PAPSS1: variants seen among roughly 807,000 people sequenced by gnomAD.
PAPSS1 encodes the protein 3'-phosphoadenosine 5'-phosphosulfate synthase 1.
Under a neutral mutation model 72.0 loss-of-function variants are expected in PAPSS1, and 50 were observed. The ratio of observed to expected loss-of-function variants is 0.69; its 90% CI spans 0.55 to 0.88. PAPSS1 has a LOEUF of 0.88. Among genes scored for constraint, PAPSS1 ranks in the 40% least tolerant of loss-of-function variants. PAPSS1 has a pLI of 0.00. For missense variants in PAPSS1, 657 were observed against 782.2 expected, an observed-to-expected ratio of 0.84 and a Z score of 1.91; for synonymous variants, 261 against 263.6, an observed-to-expected ratio of 0.99 and a Z score of 0.09.
Position 107,687,160 on chromosome 4 carries a change from C to A in PAPSS1, c.429G>T (p.Arg143Ser). 6.3e-7 allele frequency: 1 copy of A among 1,582,738 alleles called. No individual in the cohort carries two copies. Among genetic ancestry groups the A allele is most frequent in the Non-Finnish European group, 8.5e-7 (1 of 1,170,176 alleles). ...GTAAACTTGCACCTTCATGAATTTG[C>A]CTTGCATTGTTGCGATCCTTAAAAA... ...SPYTQDRNNARQIHEGASLPF... is the reference protein window; with the variant it reads ...SPYTQDRNNASQIHEGASLPF... The change falls in exon 4 of 12, where the codon AGG (arginine) becomes AGT (serine). Residue 143 changes from arginine (R) to serine (S), a missense_variant. Coordinates refer to ENST00000265174, the MANE Select transcript of PAPSS1 (RefSeq NM_005443.5).
At chr4:107,674,374 G>A (rs1325244523) in intron 5 of PAPSS1, among the ~76,000 whole-genome samples, 1 of 152,132 alleles carries the variant, frequency 6.6e-6, no homozygotes, top group Non-Finnish European at 1.5e-5. Context: ...AAAGGCAGGG[G>A]TTGCAATCCT....
chr4:107,652,114 G>A (rs1005711524), intron 9 of PAPSS1, among the ~76,000 whole-genome samples: 1 of 152,136 alleles, frequency 6.6e-6, no homozygotes, highest in African/African-American at 2.4e-5. Flanking sequence ...ACATGGTTTG[G>A]TGGCCAGCTA....
intron 2 of PAPSS1, chr4:107,694,319 G>A (rs1050807132): frequency 3.5e-6 from 1 of 289,234 alleles, no homozygotes; most frequent in Non-Finnish European, 6.6e-6. Flanking sequence ...GCAATCACAG[G>A]ATTAAATACA....
chr4:107,626,077 C>CT (rs1195245922), intron 11 of PAPSS1, among the ~76,000 whole-genome samples: 1 of 151,046 alleles, frequency 6.6e-6, no homozygotes, highest in African/African-American at 2.4e-5. Flanking sequence ...ACTCGAGAGG[C>CT]TGAGGCAGGA....
intron 10 of PAPSS1, among the ~76,000 whole-genome samples, chr4:107,638,514 C>G (rs1264460647): frequency 6.6e-6 from 1 of 152,142 alleles, no homozygotes; most frequent in Non-Finnish European, 1.5e-5. Flanking sequence ...TGGCTGACCC[C>G]AGACCCCTAG....
intron 9 of PAPSS1, among the ~76,000 whole-genome samples, chr4:107,652,205 G>C (rs1279137926): frequency 6.6e-6 from 1 of 152,170 alleles, no homozygotes; most frequent in African/African-American, 2.4e-5. Context: ...ATATAAAAGA[G>C]AGCAGCACCA....
chr4:107,677,356 C>T (rs950723344), intron 5 of PAPSS1, among the ~76,000 whole-genome samples: 1 of 152,084 alleles, frequency 6.6e-6, no homozygotes, highest in African/African-American at 2.4e-5. Context: ...ACAAACAACC[C>T]CATCAAAAAG....
chr4:107,704,515 T>C (rs1016381625), intron 1 of PAPSS1, among the ~76,000 whole-genome samples: 2 of 152,242 alleles, frequency 1.3e-5, no homozygotes, highest in African/African-American at 2.4e-5. Flanking sequence ...TACGTTGAAG[T>C]ACATTCCTTC....
At chr4:107,635,007 C>T (rs1391732993) in intron 10 of PAPSS1, among the ~76,000 whole-genome samples, 2 of 151,898 alleles carry the variant, frequency 1.3e-5, no homozygotes, top group Non-Finnish European at 2.9e-5. Context: ...ACCGTGTTAG[C>T]CAGGATGGTC....
Position 107,634,797 on chromosome 4 carries a change from ATTT to A in PAPSS1, c.1507-2940_1507-2938del, listed in dbSNP as rs3083966. 4.3e-5 allele frequency among the ~76,000 whole-genome samples: 5 copies of A among 115,986 alleles called. No homozygotes were observed. In the East Asian group the frequency reaches 6.5e-4, roughly 15 times the overall value. The allele number at this position is 115,986 out of a possible 152,430, so 76.1% of individuals were successfully genotyped here. On this transcript the variant is annotated intron_variant, in intron 10 of 11. Coordinates refer to ENST00000265174, the MANE Select transcript of PAPSS1 (RefSeq NM_005443.5). ...CTAAAATTTCTACAATATTCTAGAC[ATTT>A]TTTTTTTTTTTTTTTTTGAGATGGA...
At chr4:107,651,467 G>A (rs2726654) in intron 9 of PAPSS1, among the ~76,000 whole-genome samples, 7,193 of 152,214 alleles carry the variant, frequency 0.047, 231 homozygotes, top group East Asian at 0.11. Context: ...AAATGCCCGA[G>A]ACCAGGTAAT....
At chr4:107,698,061 G>A (rs1723114900) in intron 2 of PAPSS1, among the ~76,000 whole-genome samples, 1 of 152,166 alleles carries the variant, frequency 6.6e-6, no homozygotes, top group Admixed American at 6.5e-5. Context: ...CGAGAACTGT[G>A]GGAGAATAAA....
intron 1 of PAPSS1, among the ~76,000 whole-genome samples, chr4:107,704,463 G>T (rs1240598000): frequency 6.6e-6 from 1 of 152,200 alleles, no homozygotes; most frequent in East Asian, 1.9e-4. Context: ...TTTTACCATT[G>T]AGTATGATGT....
At chr4:107,647,013 T>C (rs1300873913) in intron 9 of PAPSS1, among the ~76,000 whole-genome samples, 7 of 152,114 alleles carry the variant, frequency 4.6e-5, no homozygotes, top group Non-Finnish European at 1.0e-4. Context: ...TTCAAATAGG[T>C]CTTCCTCCCC....
chr4:107,625,813 T>C (rs1020357321), intron 11 of PAPSS1, among the ~76,000 whole-genome samples: 8 of 152,116 alleles, frequency 5.3e-5, no homozygotes, highest in East Asian at 1.9e-4. Context: ...CCATGGAAAG[T>C]ATATCTGAAA....
At chr4:107,620,176 A>G (rs1228490134) in intron 11 of PAPSS1, among the ~76,000 whole-genome samples, 1 of 152,256 alleles carries the variant, frequency 6.6e-6, no homozygotes, top group Non-Finnish European at 1.5e-5. Flanking sequence ...CTAGGCAACA[A>G]GCAATTCAGA....
chr4:107,694,103 G>T, intron 2 of PAPSS1, 97 bp from the exon 3 acceptor site: 2 of 850,706 alleles, frequency 2.4e-6, no homozygotes, highest in Non-Finnish European at 3.7e-6. Context: ...GTCTTGCTCT[G>T]CCACCCAGGC....
intron 4 of PAPSS1, among the ~76,000 whole-genome samples, chr4:107,685,566 A>G (rs1437808687): frequency 6.6e-6 from 1 of 152,178 alleles, no homozygotes; most frequent in Non-Finnish European, 1.5e-5. Context: ...CAATTGTCAT[A>G]ATTATTCTGG....
intron 10 of PAPSS1, among the ~76,000 whole-genome samples, chr4:107,634,800 T>A (rs1293550250): frequency 7.0e-6 from 1 of 143,596 alleles, no homozygotes; most frequent in Admixed American, 6.9e-5. Context: ...TCTAGACATT[T>A]TTTTTTTTTT....
Sources: gnomAD v4.1 joint callset for allele counts (sites outside exome capture counted in the v4.1 genomes callset) on GRCh38, gnomAD v4.1.1 for gene constraint, MANE v1.5 for transcripts, NCBI Gene and HGNC (gene_info 2026-07-23, HGNC 2026-07-21) for gene names.